The following SNTG2 variants were observed in gnomAD, a reference collection of about 807,000 sequenced individuals.
The protein encoded by SNTG2 is syntrophin gamma 2, also known as gamma-2-syntrophin.
Under a neutral mutation model 70.9 loss-of-function variants are expected in SNTG2, and 74 were observed. The ratio of observed to expected loss-of-function variants is 1.04; its 90% CI spans 0.86 to 1.27. The LOEUF is 1.27. Among genes scored for constraint, SNTG2 ranks in the 50% most tolerant of loss-of-function variants. The pLI, the probability that SNTG2 is intolerant of heterozygous loss-of-function variation, is 0.00. For synonymous variants in SNTG2, 278 were observed against 273.8 expected (o/e 1.02, Z -0.15); for missense variants, 717 against 690.7 (o/e 1.04, Z -0.43).
chr2:1,154,464 A>G (rs1669724442), intron 6 of SNTG2, among the ~76,000 whole-genome samples: 1 of 152,230 alleles, frequency 6.6e-6, no homozygotes, highest in Non-Finnish European at 1.5e-5. Flanking sequence ...TTCTACATAT[A>G]TGTTGAAAAA....
chr2:1,320,878 T>C (rs2148270558), intron 16 of SNTG2, among the ~76,000 whole-genome samples: 1 of 152,318 alleles, frequency 6.6e-6, no homozygotes, highest in East Asian at 1.9e-4. Context: ...CCCCCCCATG[T>C]TTCTGTGTAT....
At chr2:1,361,816 T>C (rs367976161) in intron 16 of SNTG2, among the ~76,000 whole-genome samples, 7 of 25,666 alleles carry the variant, frequency 2.7e-4, no homozygotes, top group African/African-American at 2.7e-4. Flanking sequence ...AGCATTTCAG[T>C]AGAACTTCCA....
At chr2:1,222,099 C>CTGCCTA (rs1451914786) in intron 9 of SNTG2, among the ~76,000 whole-genome samples, 8 of 14,604 alleles carry the variant, frequency 5.5e-4, no homozygotes, top group Admixed American at 6.5e-4. Context: ...CTCTCTGTCT[C>CTGCCTA]TCTCTGTCTC....
At chr2:1,266,318 A>G (rs971719523) in intron 13 of SNTG2, among the ~76,000 whole-genome samples, 1 of 152,148 alleles carries the variant, frequency 6.6e-6, no homozygotes, top group African/African-American at 2.4e-5. Flanking sequence ...TGATAAAATG[A>G]ATCCCGAAGT....
intron 14 of SNTG2, among the ~76,000 whole-genome samples, chr2:1,307,770 G>A (rs956644727): frequency 4.7e-4 from 71 of 152,366 alleles, no homozygotes; most frequent in Admixed American, 2.7e-3. Context: ...ACATGGCTGC[G>A]AGTGCATTGG....
chr2:1,246,926 C>A (rs1021986636), intron 11 of SNTG2, among the ~76,000 whole-genome samples: 2 of 152,084 alleles, frequency 1.3e-5, no homozygotes, highest in African/African-American at 4.8e-5. Flanking sequence ...TCCACATATG[C>A]CAACTTCTAT....
At chr2:1,127,902 A>G (rs1667797736) in intron 4 of SNTG2, among the ~76,000 whole-genome samples, 1 of 152,206 alleles carries the variant, frequency 6.6e-6, no homozygotes, top group Non-Finnish European at 1.5e-5. Flanking sequence ...ATCTGCAAAA[A>G]GGGACAATTT....
At chr2:1,031,056 A>G (rs959272424) in intron 1 of SNTG2, among the ~76,000 whole-genome samples, 1 of 152,228 alleles carries the variant, frequency 6.6e-6, no homozygotes, top group Non-Finnish European at 1.5e-5. Context: ...GGCAGAGTCT[A>G]TGAAAGCAAA....
At chr2:1,190,167 C>T (rs1420619045) in intron 8 of SNTG2, among the ~76,000 whole-genome samples, 1 of 151,702 alleles carries the variant, frequency 6.6e-6, no homozygotes, top group Admixed American at 6.6e-5. Flanking sequence ...CACAGTCATC[C>T]CTTGGTTTCC....
chr2:1,101,640 G>A (rs1218470204), intron 4 of SNTG2, among the ~76,000 whole-genome samples: 1 of 152,158 alleles, frequency 6.6e-6, no homozygotes, highest in African/African-American at 2.4e-5. Flanking sequence ...CGGTGCTGGA[G>A]CCCAGGAGAG....
chr2:1,158,379 G>A (rs2147833741), intron 6 of SNTG2: 1 of 152,324 alleles, frequency 6.6e-6, no homozygotes, highest in Non-Finnish European at 1.5e-5. Context: ...TGAATTAGTG[G>A]GATGTGACTG....
intron 14 of SNTG2, among the ~76,000 whole-genome samples, chr2:1,273,461 T>C (rs983505849): frequency 1.2e-4 from 18 of 152,114 alleles, no homozygotes; most frequent in South Asian, 2.1e-4. Flanking sequence ...CATTAATGCC[T>C]TTACCACTCC....
At chr2:1,222,165 T>TGTTTCTCTC (rs1675267607) in intron 9 of SNTG2, among the ~76,000 whole-genome samples, 2 of 80,224 alleles carry the variant, frequency 2.5e-5, no homozygotes, top group African/African-American at 3.9e-5. Flanking sequence ...ATCTCTGTCT[T>TGTTTCTCTC]TGTCTCTCTT....
At chr2:961,993 A>G (rs1660364716) in intron 1 of SNTG2, among the ~76,000 whole-genome samples, 1 of 152,228 alleles carries the variant, frequency 6.6e-6, no homozygotes, top group South Asian at 2.1e-4. Context: ...ACATTTCACA[A>G]TTTCAGTTGA....
At chr2:963,799 A>G (rs1451045921) in intron 1 of SNTG2, among the ~76,000 whole-genome samples, 1 of 152,204 alleles carries the variant, frequency 6.6e-6, no homozygotes, top group Non-Finnish European at 1.5e-5. Flanking sequence ...TACAGGACAC[A>G]TCTCCACTCG....
chr2:1,065,755 A>G (rs1291218831), intron 1 of SNTG2, among the ~76,000 whole-genome samples: 2 of 152,176 alleles, frequency 1.3e-5, no homozygotes, highest in Non-Finnish European at 1.5e-5. Context: ...CTAAATGGCC[A>G]TATTAAATAG....
At chr2:1,144,334 A>T (rs751300843) in intron 6 of SNTG2, among the ~76,000 whole-genome samples, 3 of 152,200 alleles carry the variant, frequency 2.0e-5, no homozygotes, top group Non-Finnish European at 2.9e-5. Context: ...GGACATAACA[A>T]ATTTCAACAG....
chr2:1,148,300 C>T (rs1255457492), intron 6 of SNTG2, among the ~76,000 whole-genome samples: 1 of 152,120 alleles, frequency 6.6e-6, no homozygotes, highest in African/African-American at 2.4e-5. Flanking sequence ...AGGGCCTGGC[C>T]CACTCCTTAT....
intron 1 of SNTG2, among the ~76,000 whole-genome samples, chr2:1,036,763 T>G (rs1300564778): frequency 2.0e-5 from 3 of 152,270 alleles, no homozygotes; most frequent in African/African-American, 7.2e-5. Flanking sequence ...AAATACGCAC[T>G]GATTTAAATC....
Sources: gnomAD v4.1 joint callset for allele counts (sites outside exome capture counted in the v4.1 genomes callset) on GRCh38, gnomAD v4.1.1 for gene constraint, MANE v1.5 for transcripts, NCBI Gene and HGNC (gene_info 2026-07-23, HGNC 2026-07-21) for gene names.